GMDS: variants seen among roughly 807,000 people sequenced by gnomAD.
GMDS encodes the protein GDP-mannose 4,6-dehydratase.
Under a neutral mutation model 49.9 loss-of-function variants are expected in GMDS, and 20 were observed. The observed-to-expected ratio is 0.40, with a 90% CI of 0.28 to 0.58. The LOEUF (loss-of-function observed/expected upper bound fraction) is 0.58. Among genes scored for constraint, GMDS ranks in the 20% least tolerant of loss-of-function variants. The probability of loss-of-function intolerance (pLI) is 0.42; values close to 1 mark genes in which losing one functional copy is unlikely to be tolerated. For missense variants in GMDS, 362 were observed against 481.4 expected (o/e 0.75, Z 2.32); for synonymous variants, 177 against 178.6 (o/e 0.99, Z 0.07).
chr6:1,836,014 C>T lies in GMDS; in HGVS notation c.772-93428G>A, dbSNP rs539766205. Among the ~76,000 whole-genome samples, 2 of 152,130 alleles carry T rather than the reference C, an allele frequency of 1.3e-5. No homozygotes were observed. The highest frequency in any genetic ancestry group is 6.5e-5 in the Admixed American group (1 of 15,286). ...ACCACCGGAGCTGTGACTACAGGTG[C>T]CCACCACCACGCCTGGCTAATTTTT... On this transcript the variant is annotated intron_variant, in intron 7 of 10. Transcript: ENST00000380815. The surrounding 1 kb of genome is among the most constrained non-coding windows in gnomAD (Gnocchi z 4.2).
intron 1 of GMDS, among the ~76,000 whole-genome samples, chr6:2,200,990 C>CA (rs1178106036): frequency 7.1e-6 from 1 of 140,112 alleles, no homozygotes; most frequent in East Asian, 2.1e-4. Flanking sequence ...CGAGATGAAC[C>CA]AATCTAGGCA....
At chr6:1,671,897 T>A (rs1021855694) in intron 9 of GMDS, among the ~76,000 whole-genome samples, 2 of 152,292 alleles carry the variant, frequency 1.3e-5, no homozygotes, top group Admixed American at 1.3e-4. Flanking sequence ...TCTCCCAGCC[T>A]CATGATCTGC....
At chr6:1,759,414 T>G (rs1290201578) in intron 7 of GMDS, among the ~76,000 whole-genome samples, 2 of 152,246 alleles carry the variant, frequency 1.3e-5, no homozygotes, top group African/African-American at 4.8e-5. Flanking sequence ...CTCAACTCCC[T>G]TTCCTGTATT....
At chr6:1,734,859 A>G (rs547078420) in intron 8 of GMDS, among the ~76,000 whole-genome samples, 1 of 152,348 alleles carries the variant, frequency 6.6e-6, no homozygotes, top group South Asian at 2.1e-4. Context: ...ATCAAATAAT[A>G]ATAATGATAA....
intron 4 of GMDS, among the ~76,000 whole-genome samples, chr6:2,010,839 AG>A (rs1293468125): frequency 1.3e-5 from 2 of 152,222 alleles, no homozygotes; most frequent in Non-Finnish European, 2.9e-5. Context: ...TGAAAACAAT[AG>A]AACAAAGACC....
At chr6:2,079,550 T>C (rs960271893) in intron 4 of GMDS, among the ~76,000 whole-genome samples, 4 of 152,164 alleles carry the variant, frequency 2.6e-5, no homozygotes, top group African/African-American at 9.6e-5. Flanking sequence ...ACTTTATTTC[T>C]CCTTCAGTTA....
chr6:1,930,192 C>G lies in GMDS; in HGVS notation c.682G>C (p.Ala228Pro). The G allele has an allele frequency of 3.1e-6, 5 of 1,612,756 alleles. No homozygotes were observed. The highest frequency in any genetic ancestry group is 4.2e-6 in the Non-Finnish European group (5 of 1,179,178). Residue 228 changes from alanine (A) to proline (P), a missense_variant, in exon 7 of 11, where the codon GCT (alanine) becomes CCT (proline). Coordinates refer to ENST00000380815, the MANE Select transcript of GMDS (RefSeq NM_001500.4). Reference sequence around the variant, plus strand: ...TCCAGTTGTCCAAGGTAAATCTTAGCTACTGACCGGCTAATTTTTCGAGTA... The same window carrying G: ...TCCAGTTGTCCAAGGTAAATCTTAGGTACTGACCGGCTAATTTTTCGAGTA... ...FVTRKISRSV[A>P]KIYLGQLECF... is the part of the protein sequence containing the mutation.
At chr6:2,162,079 A>G (rs1777430761) in intron 1 of GMDS, among the ~76,000 whole-genome samples, 1 of 152,242 alleles carries the variant, frequency 6.6e-6, no homozygotes, top group Admixed American at 6.5e-5. Flanking sequence ...GAAATTGTCT[A>G]TGCTTGATAA....
chr6:2,025,548 GA>G (rs907839827), intron 4 of GMDS, among the ~76,000 whole-genome samples: 30 of 149,178 alleles, frequency 2.0e-4, no homozygotes, highest in African/African-American at 5.9e-4. Context: ...CCTTGTAATT[GA>G]AAAAAAAATC....
chr6:1,720,472 T>C (rs1561755446), intron 9 of GMDS, among the ~76,000 whole-genome samples: 1 of 152,180 alleles, frequency 6.6e-6, no homozygotes, highest in Non-Finnish European at 1.5e-5. Flanking sequence ...AGGCTTAAAA[T>C]ATATAAACAG....
intron 7 of GMDS, among the ~76,000 whole-genome samples, chr6:1,823,896 C>T (rs952388244): frequency 1.3e-5 from 2 of 152,086 alleles, no homozygotes; most frequent in African/African-American, 2.4e-5. Flanking sequence ...AACCCAACCT[C>T]ACCACCACTT....
chr6:2,245,426 C>G lies in GMDS; in HGVS notation c.-4G>C. 6.8e-7 allele frequency: 1 copy of G among 1,472,276 alleles called. No individual in the cohort carries two copies. Among genetic ancestry groups the G allele is most frequent in the Non-Finnish European group, 8.9e-7 (1 of 1,118,350 alleles). 91.2% of individuals were successfully genotyped at this position (1,472,276 alleles called of 1,614,324 possible). A position where few individuals can be genotyped will look rare whatever the true frequency, so the allele number is the denominator to read the frequency against. ...AGCGTGCCGGTGCGTGTGCCATGTC[C>G]CGCGGCGGGCGTGCGGTCGGCGGCA... On this transcript the variant is annotated 5_prime_UTR_variant, in exon 1 of 11. Coordinates refer to ENST00000380815, the MANE Select transcript of GMDS (RefSeq NM_001500.4).
intron 9 of GMDS, among the ~76,000 whole-genome samples, chr6:1,662,540 C>T (rs1218329756): frequency 6.6e-6 from 1 of 152,130 alleles, no homozygotes; most frequent in Non-Finnish European, 1.5e-5. Context: ...GATCTGAGGA[C>T]AGTCTCAGAG....
intron 1 of GMDS, among the ~76,000 whole-genome samples, chr6:2,214,915 T>C (rs1034020543): frequency 4.6e-5 from 7 of 152,210 alleles, no homozygotes; most frequent in African/African-American, 1.4e-4. Context: ...ATGGATAATC[T>C]TGAGAATGAT....
intron 6 of GMDS, among the ~76,000 whole-genome samples, chr6:1,953,232 T>C (rs1425350777): frequency 6.6e-6 from 1 of 152,098 alleles, no homozygotes; most frequent in Non-Finnish European, 1.5e-5. Flanking sequence ...CTAGGAAGTC[T>C]CACAGAAACC....
At chr6:1,676,429 C>T (rs1477309523) in intron 9 of GMDS, among the ~76,000 whole-genome samples, 1 of 152,198 alleles carries the variant, frequency 6.6e-6, no homozygotes, top group African/African-American at 2.4e-5. Flanking sequence ...TTGGAAAAAA[C>T]TACTTTAAAC....
chr6:1,646,522 A>G (rs1046792258), intron 9 of GMDS, among the ~76,000 whole-genome samples: 1 of 152,120 alleles, frequency 6.6e-6, no homozygotes, highest in Non-Finnish European at 1.5e-5. Context: ...CCGGGACTAC[A>G]GGTTCATGCC....
chr6:1,892,927 T>C (rs1759945064), intron 7 of GMDS, among the ~76,000 whole-genome samples: 1 of 152,190 alleles, frequency 6.6e-6, no homozygotes, highest in East Asian at 1.9e-4. Flanking sequence ...TGGCAACTGC[T>C]GCCTGGTCCT....
intron 9 of GMDS, among the ~76,000 whole-genome samples, chr6:1,698,556 G>A (rs986378841): frequency 4.6e-5 from 7 of 151,988 alleles, no homozygotes; most frequent in South Asian, 2.1e-4. Flanking sequence ...CCGCTCTCCC[G>A]AGTAAGGAAA....
Sources: allele counts gnomAD v4.1 joint callset (sites outside exome capture counted in the v4.1 genomes callset), GRCh38; gene constraint gnomAD v4.1.1; non-coding constraint Gnocchi (gnomAD v3.1); transcripts MANE v1.5; gene names NCBI Gene and HGNC (gene_info 2026-07-23, HGNC 2026-07-21).